CFAP251: variants seen among roughly 807,000 people sequenced by gnomAD.
The protein encoded by CFAP251 is cilia- and flagella-associated protein 251.
In CFAP251, 93 loss-of-function variants were observed where a neutral mutation model predicts 126.7. That is an observed-to-expected ratio of 0.73 (90% CI 0.62 to 0.87). The LOEUF (loss-of-function observed/expected upper bound fraction) is 0.87, where lower values mean the gene tolerates loss of function less well. Ranked by LOEUF, CFAP251 falls within the 40% of genes least tolerant of loss-of-function variation. The pLI is 0.00. For missense variants in CFAP251, 1,287 were observed against 1,389.2 expected (o/e 0.93, Z 1.17); for synonymous variants, 503 against 506.9 (o/e 0.99, Z 0.10).
intron 10 of CFAP251, 24 bp downstream of exon 10, chr12:121,954,358 T>C: frequency 6.4e-7 from 1 of 1,560,748 alleles, no homozygotes; most frequent in Non-Finnish European, 8.7e-7. Flanking sequence ...AATTAAAAGA[T>C]AACTATGGAT....
intron 11 of CFAP251, among the ~76,000 whole-genome samples, chr12:121,958,065 G>A (rs1267431946): frequency 6.6e-6 from 1 of 152,180 alleles, no homozygotes; most frequent in Non-Finnish European, 1.5e-5. Flanking sequence ...CATACTTAAT[G>A]ACTCAATTTA....
rs1882838667 is a variant in CFAP251, at chr12:121,989,900, A to G, written c.3007-9816A>G. Among the ~76,000 whole-genome samples the G allele has an allele frequency of 6.6e-6, 1 of 152,168 alleles. No individual in the cohort carries two copies. Among genetic ancestry groups the G allele is most frequent in the African/African-American group, 2.4e-5 (1 of 41,434 alleles). Reference sequence around the variant, plus strand: ...TATAGAACATAATTCTAAGGACATCAATGGCTTCCTGAGGCTGACAGCAGG... The same window carrying G: ...TATAGAACATAATTCTAAGGACATCGATGGCTTCCTGAGGCTGACAGCAGG... On this transcript the variant is annotated intron_variant, in intron 19 of 21. Transcript: ENST00000288912. This position sits in a 1 kb window ranked among gnomAD's most constrained non-coding sequence, Gnocchi z 4.2.
At chr12:121,971,563 C>T in intron 17 of CFAP251, 1 of 702,880 alleles carries the variant, frequency 1.4e-6, no homozygotes, top group South Asian at 1.5e-5. Flanking sequence ...GACAGCCATC[C>T]TGGGAGCCAG....
intron 7 of CFAP251, among the ~76,000 whole-genome samples, chr12:121,945,171 C>T (rs984807024): frequency 1.3e-5 from 2 of 152,050 alleles, no homozygotes; most frequent in Non-Finnish European, 2.9e-5. Flanking sequence ...GAAATCTTTC[C>T]TCTCCTTTCC....
In CFAP251 at chr12:121,968,145, T is replaced by C; in HGVS notation, c.2747T>C (p.Val916Ala). The C allele has an allele frequency of 1.2e-6, 2 of 1,608,184 alleles. No individual in the cohort carries two copies. Among genetic ancestry groups the C allele is most frequent in the Non-Finnish European group, 1.7e-6 (2 of 1,175,534 alleles). Residue 916 changes from valine to alanine, a missense_variant, in exon 17 of 22, where the codon GTG becomes GCG. Val to Ala is a moderately conservative substitution (Grantham distance 64, BLOSUM62 0). Transcript: ENST00000288912. Reference sequence around the variant, plus strand: ...ACTGCGGGAGGGCACGATCGCTCGGTGGTGCAGTGGAAAATCACCTTAAGG... The same window carrying C: ...ACTGCGGGAGGGCACGATCGCTCGGCGGTGCAGTGGAAAATCACCTTAAGG... ...AFTAGGHDRSVVQWKITLSVL... is the reference protein window; with the variant it reads ...AFTAGGHDRSAVQWKITLSVL...
chr12:122,001,354 C>G (rs75801403), intron 20 of CFAP251, 143 bp from the exon 21 acceptor site: 1 of 749,180 alleles, frequency 1.3e-6, no homozygotes, highest in East Asian at 2.7e-5. Context: ...CCACGCCCAG[C>G]CTAAATTTTT....
chr12:121,991,984 CT>C (rs1378084847), intron 19 of CFAP251, among the ~76,000 whole-genome samples: 1 of 151,798 alleles, frequency 6.6e-6, no homozygotes, highest in African/African-American at 2.4e-5. Context: ...CAGAGTGAGA[CT>C]ATCATCTAAA....
chr12:121,949,117 T>A, intron 8 of CFAP251, 56 bp downstream of exon 8: 1 of 1,154,980 alleles, frequency 8.7e-7, no homozygotes, highest in African/African-American at 1.6e-5. Flanking sequence ...GTGTTCATTC[T>A]TTGAGTACAA....
At chr12:121,928,676 A>G (rs1340722293) in intron 3 of CFAP251, among the ~76,000 whole-genome samples, 4 of 42,816 alleles carry the variant, frequency 9.3e-5, no homozygotes, top group Non-Finnish European at 1.7e-4. Flanking sequence ...ATACGTATAT[A>G]TATATATATA....
rs981557677 is a variant in CFAP251, at chr12:121,942,898, G to T, written c.1114G>T (p.Val372Leu). 1.9e-6 allele frequency: 3 copies of T among 1,614,032 alleles called. No homozygotes were observed. In the Admixed American group the frequency reaches 5.0e-5, roughly 27 times the overall value. Residue 372 changes from valine to leucine, a missense_variant, in exon 7 of 22, where the codon GTA becomes TTA. Coordinates refer to ENST00000288912, the MANE Select transcript of CFAP251 (RefSeq NM_144668.6). The stretch of plus-strand genomic sequence containing the variant: ...CTCTCTCTACTGTCACCTACAGAAG[G>T]TATGCATCTGGAAGTGGACTTTGGC... ...ATISDAEVQK[V>L]CIWKWTLAVE...
intron 19 of CFAP251, among the ~76,000 whole-genome samples, chr12:121,994,967 T>C: frequency 6.7e-6 from 1 of 150,192 alleles, no homozygotes; most frequent in South Asian, 2.1e-4. Flanking sequence ...AAAAATAAAT[T>C]AAAAAAAAAA....
At chr12:121,968,828 G>C in intron 17 of CFAP251, 1 of 944,894 alleles carries the variant, frequency 1.1e-6, no homozygotes, top group Non-Finnish European at 1.3e-6. Context: ...AAAGCACCTA[G>C]TACAGAGCAA....
In CFAP251 at chr12:121,957,316, C is replaced by T. The variant is rs573763389; in HGVS notation, c.1730+48C>T. 2.1e-5 allele frequency: 32 copies of T among 1,546,524 alleles called. 1 individual carries two copies. In the East Asian group the frequency reaches 4.7e-4, roughly 23 times the overall value. ...CATTAGAATGGTTGAAAAATGATCA[C>T]TGTCTTCTTTAGTTTGCATACAGTG... On this transcript the variant is annotated intron_variant, in intron 11 of 21. Transcript: ENST00000288912.
At chr12:121,971,878 TC>T (rs1235303778) in intron 17 of CFAP251, 2 of 426,940 alleles carry the variant, frequency 4.7e-6, no homozygotes, top group South Asian at 2.3e-5. Context: ...GGGGGTGGTT[TC>T]CCCCATGTTG....
chr12:121,920,452 A>T (rs1880121256), intron 1 of CFAP251, among the ~76,000 whole-genome samples: 1 of 147,960 alleles, frequency 6.8e-6, no homozygotes, highest in African/African-American at 2.5e-5. Flanking sequence ...GCTGGAGTGC[A>T]GTGGCACGAT....
At chr12:122,000,514 T>G (rs1437380696) in intron 20 of CFAP251, among the ~76,000 whole-genome samples, 2 of 143,524 alleles carry the variant, frequency 1.4e-5, no homozygotes, top group Non-Finnish European at 3.0e-5. Context: ...ATCACGCCAC[T>G]GCAGTTCAGG....
chr12:121,951,813 G>T (rs1474704344), intron 9 of CFAP251, among the ~76,000 whole-genome samples: 3 of 152,018 alleles, frequency 2.0e-5, no homozygotes, highest in Admixed American at 6.6e-5. Context: ...CTGCCTCCCG[G>T]GTTCACGCCA....
Position 122,001,577 on chromosome 12 carries a change from C to G in CFAP251, c.3316C>G (p.Pro1106Ala), listed in dbSNP as rs201822352. ...GLNPEGWKSEPATCSVKGSEI... is the reference protein window; with the variant it reads ...GLNPEGWKSEAATCSVKGSEI... ...GAATCCCGAGGGATGGAAATCCGAG[C>G]CTGCAACCTGCTCCGTCAAAGGTAC... The change falls in exon 21 of 22, where the codon CCT becomes GCT. Residue 1106 changes from proline to alanine, a missense_variant. Coordinates refer to ENST00000288912, the MANE Select transcript of CFAP251 (RefSeq NM_144668.6). 1.2e-6 allele frequency: 2 copies of G among 1,614,074 alleles called. No individual in the cohort carries two copies. The highest frequency in any genetic ancestry group is 4.5e-5 in the East Asian group (2 of 44,880).
chr12:121,956,765 G>A (rs1391664279), intron 10 of CFAP251, among the ~76,000 whole-genome samples: 1 of 152,082 alleles, frequency 6.6e-6, no homozygotes, highest in Admixed American at 6.5e-5. Context: ...CAAAGTGCTG[G>A]GACTACAGAC....
Sources: allele counts gnomAD v4.1 joint callset (sites outside exome capture counted in the v4.1 genomes callset), GRCh38; gene constraint gnomAD v4.1.1; non-coding constraint Gnocchi (gnomAD v3.1); transcripts MANE v1.5; gene names NCBI Gene and HGNC (gene_info 2026-07-23, HGNC 2026-07-21).